Variants in RNF150 observed in about 807,000 individuals in gnomAD.
RNF150 encodes ring finger protein 150.
RNF150 carries 24 observed loss-of-function variants against 39.3 expected under a neutral mutation model. The ratio of observed to expected loss-of-function variants is 0.61; its 90% CI spans 0.44 to 0.86. The LOEUF (loss-of-function observed/expected upper bound fraction) is 0.86. Ranked by LOEUF, RNF150 falls within the 40% of genes least tolerant of loss-of-function variation. The pLI, the probability that RNF150 is intolerant of heterozygous loss-of-function variation, is 0.00. For synonymous variants in RNF150, 255 were observed against 227.3 expected (o/e 1.12, Z -1.10); for missense variants, 502 against 587.8 (o/e 0.85, Z 1.51).
chr4:140,920,082 C>A (rs923212063), intron 5 of RNF150, among the ~76,000 whole-genome samples: 16 of 151,290 alleles, frequency 1.1e-4, no homozygotes, highest in Admixed American at 9.2e-4. Flanking sequence ...ACCATAAAAA[C>A]CCTAGAAGAA....
intron 6 of RNF150, among the ~76,000 whole-genome samples, chr4:140,901,941 G>A (rs1256922103): frequency 1.3e-5 from 2 of 152,202 alleles, no homozygotes; most frequent in African/African-American, 4.8e-5. Flanking sequence ...TGTGTAAAGA[G>A]CCAGATGGGA....
At chr4:141,168,513 T>A in intron 1 of RNF150, among the ~76,000 whole-genome samples, 1 of 152,310 alleles carries the variant, frequency 6.6e-6, no homozygotes, top group South Asian at 2.1e-4. Context: ...ATTGCAGCAC[T>A]ATTCACAATA....
intron 5 of RNF150, among the ~76,000 whole-genome samples, chr4:140,919,625 A>G (rs1345655761): frequency 6.6e-6 from 1 of 150,436 alleles, no homozygotes; most frequent in African/African-American, 2.4e-5. Flanking sequence ...GGTAATTTAT[A>G]GATTCAATGC....
At position 140,967,892 on chromosome 4, in the gene RNF150, G is replaced by C. The variant is rs1246929189; in HGVS notation, c.485-19C>G. On this transcript the variant is annotated intron_variant, in intron 1 of 6. Coordinates refer to ENST00000515673, the MANE Select transcript of RNF150 (RefSeq NM_020724.2). ...TCTACACCTGTGGTAAGAGGGGAAGGAAGGGGCAATAAAGGTTAGGGGATA... is the reference window on the plus strand; with the variant it reads ...TCTACACCTGTGGTAAGAGGGGAAGCAAGGGGCAATAAAGGTTAGGGGATA... The C allele has an allele frequency of 6.2e-7, 1 of 1,610,752 alleles. No homozygotes were observed. Among genetic ancestry groups the C allele is most frequent in the East Asian group, 2.2e-5 (1 of 44,806 alleles).
intron 1 of RNF150, among the ~76,000 whole-genome samples, chr4:141,119,595 G>A (rs1283503082): frequency 6.6e-6 from 1 of 152,142 alleles, no homozygotes; most frequent in Non-Finnish European, 1.5e-5. Context: ...CTCCTCCTAA[G>A]CAAAGGATTT....
At chr4:141,119,414 C>G (rs7672823) in intron 1 of RNF150, among the ~76,000 whole-genome samples, 1 of 152,174 alleles carries the variant, frequency 6.6e-6, no homozygotes, top group African/African-American at 2.4e-5. Context: ...AGTCAGGGCC[C>G]CTTGAGGCAT....
upstream of RNF150, among the ~76,000 whole-genome samples, chr4:141,137,845 G>A (rs915319426): frequency 1.3e-5 from 2 of 152,188 alleles, no homozygotes; most frequent in Admixed American, 6.5e-5. Context: ...CAGCTTAGTG[G>A]TGAGTCCTGG....
At chr4:140,919,879 G>A (rs563155951) in intron 5 of RNF150, among the ~76,000 whole-genome samples, 19 of 152,036 alleles carry the variant, frequency 1.2e-4, no homozygotes, top group Middle Eastern at 3.4e-3. Flanking sequence ...CAGAAATAAC[G>A]CCACATATCT....
intron 5 of RNF150, among the ~76,000 whole-genome samples, chr4:140,916,173 C>T (rs1730818777): frequency 6.6e-6 from 1 of 152,136 alleles, no homozygotes; most frequent in African/African-American, 2.4e-5. Flanking sequence ...TCCTCACCAG[C>T]AATGGAACAA....
chr4:141,034,509 A>G (rs1268093522), intron 1 of RNF150, among the ~76,000 whole-genome samples: 1 of 152,152 alleles, frequency 6.6e-6, no homozygotes, highest in Non-Finnish European at 1.5e-5. Context: ...TTCCCCTTGC[A>G]TTCACAACTA....
intron 1 of RNF150, among the ~76,000 whole-genome samples, chr4:141,016,566 A>G (rs1735283186): frequency 6.6e-6 from 1 of 152,250 alleles, no homozygotes; most frequent in African/African-American, 2.4e-5. Flanking sequence ...ACCTCAATAA[A>G]GCTGTTTTCC....
chr4:140,941,043 C>T (rs1732063382), intron 4 of RNF150, among the ~76,000 whole-genome samples: 1 of 151,804 alleles, frequency 6.6e-6, no homozygotes, highest in Non-Finnish European at 1.5e-5. Flanking sequence ...ATTCAAGTAT[C>T]CAAAAATACA....
chr4:140,916,157 T>G (rs1730818277), intron 5 of RNF150, among the ~76,000 whole-genome samples: 2 of 152,286 alleles, frequency 1.3e-5, no homozygotes, highest in South Asian at 4.1e-4. Flanking sequence ...TCCAAAAGAA[T>G]GCAGCTCCTC....
chr4:141,155,741 T>C (rs567398551), intron 1 of RNF150, among the ~76,000 whole-genome samples: 2 of 152,260 alleles, frequency 1.3e-5, no homozygotes, highest in East Asian at 3.9e-4. Context: ...TGCCCAGTCC[T>C]GTAAACAGCC....
chr4:141,201,101 C>CTCTGT (rs57295947), intron 1 of RNF150, among the ~76,000 whole-genome samples: 6 of 151,694 alleles, frequency 4.0e-5, no homozygotes, highest in Admixed American at 3.3e-4. Context: ...CAGATCTTTA[C>CTCTGT]CAATCTTTAC....
chr4:141,112,185 G>T (rs891426789), intron 1 of RNF150, among the ~76,000 whole-genome samples: 2 of 152,088 alleles, frequency 1.3e-5, no homozygotes, highest in Admixed American at 6.6e-5. Flanking sequence ...TATCCAATTT[G>T]CCAGTCTGTG....
chr4:140,922,453 C>T (rs1560968949), intron 5 of RNF150, among the ~76,000 whole-genome samples: 1 of 151,060 alleles, frequency 6.6e-6, no homozygotes, highest in Non-Finnish European at 1.5e-5. Context: ...CAAACCACTG[C>T]TCAATGAAAT....
intron 5 of RNF150, among the ~76,000 whole-genome samples, chr4:140,921,347 C>T (rs550875877): frequency 3.5e-4 from 53 of 151,710 alleles, no homozygotes; most frequent in Non-Finnish European, 6.2e-4. Flanking sequence ...CACCTCTACA[C>T]GAATAAACTA....
At chr4:141,024,984 C>G (rs1306750695) in intron 1 of RNF150, among the ~76,000 whole-genome samples, 1 of 152,046 alleles carries the variant, frequency 6.6e-6, no homozygotes, top group African/African-American at 2.4e-5. Flanking sequence ...AAGTCATGCA[C>G]CAGAGAAGAA....
Sources: allele counts gnomAD v4.1 joint callset (sites outside exome capture counted in the v4.1 genomes callset), GRCh38; gene constraint gnomAD v4.1.1; transcripts MANE v1.5; gene names NCBI Gene and HGNC (gene_info 2026-07-23, HGNC 2026-07-21).